TRIO: variants seen among roughly 807,000 people sequenced by gnomAD.
TRIO encodes the protein trio Rho guanine nucleotide exchange factor.
In TRIO, 58 loss-of-function variants were observed where a neutral mutation model predicts 351.9. The observed-to-expected ratio is 0.16, with a 90% CI of 0.13 to 0.21. The LOEUF (loss-of-function observed/expected upper bound fraction) is 0.21, where lower values mean the gene tolerates loss of function less well. Among genes scored for constraint, TRIO ranks in the 10% least tolerant of loss-of-function variants. TRIO has a pLI of 1.00. For synonymous variants in TRIO, 1,758 were observed against 1,595.7 expected (o/e 1.10, Z -2.42); for missense variants, 3,201 against 4,027.8 (o/e 0.79, Z 5.56).
At chr5:14,259,683 A>T (rs959955839) in intron 1 of TRIO, among the ~76,000 whole-genome samples, 17 of 152,230 alleles carry the variant, frequency 1.1e-4, no homozygotes, top group African/African-American at 3.4e-4. Context: ...TGAGCAGTCA[A>T]ATCTTTTTAC....
intron 1 of TRIO, among the ~76,000 whole-genome samples, chr5:14,176,324 G>C (rs43181): frequency 0.55 from 83,236 of 151,946 alleles, 24,386 homozygotes; most frequent in African/African-American, 0.77. Flanking sequence ...AAAAAAATTA[G>C]CCGGACATGG....
intron 54 of TRIO, among the ~76,000 whole-genome samples, chr5:14,503,644 G>T (rs1757448403): frequency 6.6e-6 from 1 of 152,234 alleles, no homozygotes; most frequent in African/African-American, 2.4e-5. Context: ...CCCAGCCTCA[G>T]AACGACCAAC....
chr5:14,310,684 A>G (rs1309088281), intron 8 of TRIO, among the ~76,000 whole-genome samples: 1 of 152,216 alleles, frequency 6.6e-6, no homozygotes, highest in East Asian at 1.9e-4. Context: ...CCCTTGCGGT[A>G]GAGTCACTTC....
At chr5:14,421,653 C>T (rs564331919) in intron 34 of TRIO, among the ~76,000 whole-genome samples, 38 of 150,980 alleles carry the variant, frequency 2.5e-4, no homozygotes, top group African/African-American at 2.0e-4. Context: ...TTAGGAGCTG[C>T]GCAGCAACAG....
At chr5:14,290,092 C>G (rs955572013) in intron 4 of TRIO, among the ~76,000 whole-genome samples, 1 of 152,086 alleles carries the variant, frequency 6.6e-6, no homozygotes, top group Admixed American at 6.6e-5. Flanking sequence ...CATTCATATC[C>G]CATCATCTGT....
chr5:14,323,264 C>T (rs779534887), intron 9 of TRIO, among the ~76,000 whole-genome samples: 57 of 151,980 alleles, frequency 3.8e-4, no homozygotes, highest in Non-Finnish European at 6.8e-4. Flanking sequence ...GCTGGAGCCC[C>T]CTCATTTTCC....
At chr5:14,245,297 C>G (rs781499926) in intron 1 of TRIO, among the ~76,000 whole-genome samples, 1 of 152,200 alleles carries the variant, frequency 6.6e-6, no homozygotes, top group Non-Finnish European at 1.5e-5. Flanking sequence ...TCTGAGCTCT[C>G]TTTCACTGAA....
chr5:14,374,678 C>T (rs1200535686), intron 19 of TRIO, among the ~76,000 whole-genome samples: 1 of 152,054 alleles, frequency 6.6e-6, no homozygotes, highest in African/African-American at 2.4e-5. Flanking sequence ...CCAGAGTTAT[C>T]TATAGGCAAA....
intron 25 of TRIO, among the ~76,000 whole-genome samples, chr5:14,390,000 G>A (rs1034745692): frequency 2.0e-5 from 3 of 152,148 alleles, no homozygotes; most frequent in Non-Finnish European, 4.4e-5. Flanking sequence ...TTACGTCTCC[G>A]AAGTATATGC....
intron 11 of TRIO, among the ~76,000 whole-genome samples, chr5:14,353,241 A>G (rs1346995685): frequency 6.8e-6 from 1 of 146,324 alleles, no homozygotes; most frequent in Non-Finnish European, 1.5e-5. Context: ...TTCACTCTGC[A>G]TTGTCTTCTC....
At chr5:14,505,054 C>T (rs1173768085) in intron 55 of TRIO, among the ~76,000 whole-genome samples, 1 of 152,256 alleles carries the variant, frequency 6.6e-6, no homozygotes, top group Non-Finnish European at 1.5e-5. Flanking sequence ...AGACGCACCT[C>T]CCCGCAGAAT....
At chr5:14,251,975 A>AC (rs1244072026) in intron 1 of TRIO, among the ~76,000 whole-genome samples, 2 of 151,868 alleles carry the variant, frequency 1.3e-5, no homozygotes, top group Non-Finnish European at 2.9e-5. Flanking sequence ...AACTTAAAAA[A>AC]AAAAAAAAAA....
intron 28 of TRIO, 34 bp downstream of exon 28, chr5:14,394,164 T>G: frequency 1.5e-6 from 2 of 1,376,836 alleles, no homozygotes; most frequent in Non-Finnish European, 2.0e-6. Context: ...TGTGAAATTT[T>G]ATGAATTATG....
At chr5:14,390,829 T>G in intron 26 of TRIO, 72 bp from the exon 27 acceptor site, 1 of 1,327,772 alleles carries the variant, frequency 7.5e-7, no homozygotes, top group Non-Finnish European at 1.0e-6. Context: ...TACTGCTTCT[T>G]TTCTATATGA....
chr5:14,211,467 A>G (rs1429743946), intron 1 of TRIO, among the ~76,000 whole-genome samples: 1 of 152,210 alleles, frequency 6.6e-6, no homozygotes, highest in Non-Finnish European at 1.5e-5. Context: ...CTATAATAAA[A>G]CATACAATAA....
rs74752581 is a variant in TRIO at position 14,442,619 on chromosome 5, A to G, written c.5204-18400A>G. 1.3e-3 allele frequency among the ~76,000 whole-genome samples: 192 copies of G among 152,290 alleles called. 1 individual carries two copies. The highest frequency in any genetic ancestry group is 4.2e-3 in the African/African-American group (176 of 41,554). ...GGCTCTTTTTGTCATATTTATGCTA[A>G]TTGTTTTACCACTCGAAGATGGTGA... On this transcript the variant is annotated intron_variant, in intron 34 of 56. Transcript: ENST00000344204.
At chr5:14,359,207 T>C (rs982891996) in intron 12 of TRIO, 150 bp from the exon 13 acceptor site, 4 of 845,434 alleles carry the variant, frequency 4.7e-6, no homozygotes, top group Non-Finnish European at 7.2e-6. Context: ...CTAATATTGT[T>C]TTGCAGGAGA....
chr5:14,327,500 TTG>T (rs1740492216), intron 9 of TRIO, among the ~76,000 whole-genome samples: 1 of 152,184 alleles, frequency 6.6e-6, no homozygotes, highest in African/African-American at 2.4e-5. Context: ...ATGTTGTATT[TTG>T]CTTCCTCTGG....
At chr5:14,498,299 C>G in intron 52 of TRIO, 48 bp downstream of exon 52, 1 of 1,596,318 alleles carries the variant, frequency 6.3e-7, no homozygotes. Flanking sequence ...GGAGCACCAT[C>G]TTGTCACTTG....
Sources: allele counts gnomAD v4.1 joint callset (sites outside exome capture counted in the v4.1 genomes callset), GRCh38; gene constraint gnomAD v4.1.1; transcripts MANE v1.5; gene names NCBI Gene and HGNC (gene_info 2026-07-23, HGNC 2026-07-21).